Variants in PXMP2 observed in about 807,000 individuals in gnomAD.
The protein encoded by PXMP2 is 22 kDa peroxisomal membrane protein.
Under a neutral mutation model 20.2 loss-of-function variants are expected in PXMP2, and 13 were observed. The ratio of observed to expected loss-of-function variants is 0.64; its 90% confidence interval spans 0.42 to 1.02. The LOEUF (loss-of-function observed/expected upper bound fraction) is 1.02, where lower values mean the gene tolerates loss of function less well. Ranked by LOEUF, PXMP2 falls within the 50% of genes least tolerant of loss-of-function variation. The pLI, the probability that PXMP2 is intolerant of heterozygous loss-of-function variation, is 0.00. For missense variants in PXMP2, 284 were observed against 251.8 expected (o/e 1.13, Z -0.87); for synonymous variants, 113 against 111.2 (o/e 1.02, Z -0.10).
chr12:132,699,165 T>C (rs979816718), intron 3 of PXMP2, among the ~76,000 whole-genome samples: 1 of 152,124 alleles, frequency 6.6e-6, no homozygotes, highest in Admixed American at 6.6e-5. Context: ...CCACCACTTA[T>C]GAGTGAGAAC....
At chr12:132,694,315 T>G (rs1565991351) in intron 2 of PXMP2, among the ~76,000 whole-genome samples, 3 of 97,400 alleles carry the variant, frequency 3.1e-5, no homozygotes, top group African/African-American at 3.6e-5. Flanking sequence ...GTTAGTGAGC[T>G]CCCTTAGTCA....
chr12:132,701,887 C>T (rs1465073264), intron 4 of PXMP2, among the ~76,000 whole-genome samples: 3 of 152,090 alleles, frequency 2.0e-5, no homozygotes, highest in Non-Finnish European at 4.4e-5. Context: ...GCCAGGAGTT[C>T]GAGACCAGCC....
In PXMP2 at chr12:132,690,255, C is replaced by T; in HGVS notation, c.123-8C>T. On this transcript the variant is annotated splice_polypyrimidine_tract_variant and splice_region_variant and intron_variant, in intron 1 of 4. Transcript: ENST00000317479. ...ACTGCTGTTTTCTGATGACCTCCCT[C>T]TCCACAGTGGCATTTTGTCAGCACT... The T allele has an allele frequency of 6.2e-7, 1 of 1,610,822 alleles. No individual in the cohort carries two copies.
chr12:132,699,668 T>C (rs1337611024), intron 3 of PXMP2, among the ~76,000 whole-genome samples: 1 of 151,920 alleles, frequency 6.6e-6, no homozygotes, highest in African/African-American at 2.4e-5. Flanking sequence ...GTGCTGAGAT[T>C]ACAGGCGTGA....
chr12:132,691,480 G>T (rs546585632), intron 2 of PXMP2, among the ~76,000 whole-genome samples: 4 of 152,120 alleles, frequency 2.6e-5, no homozygotes, highest in African/African-American at 9.7e-5. Context: ...TTAATCCACC[G>T]TGAGCTCTCG....
In PXMP2 at chr12:132,694,388, CAGTT is replaced by C. The variant is rs1329038384; in HGVS notation, c.237-1488_237-1485del. ...CTTGCCAGTTAGTGAGCGCCCTTGC[CAGTT>C]AGTTAGTGAGCGCCCTTGCCAGTTA... On this transcript the variant is annotated intron_variant, in intron 2 of 4. Transcript: ENST00000317479. 2.5e-4 allele frequency among the ~76,000 whole-genome samples: 23 copies of C among 91,270 alleles called. 3 individuals carry two copies. Among genetic ancestry groups the C allele is most frequent in the Non-Finnish European group, 4.3e-4 (18 of 41,568 alleles). The allele number at this position is 91,270 out of a possible 152,430, so 59.9% of individuals were successfully genotyped here.
chr12:132,699,234 G>C (rs2043425718), intron 3 of PXMP2, among the ~76,000 whole-genome samples: 1 of 152,118 alleles, frequency 6.6e-6, no homozygotes, highest in South Asian at 2.1e-4. Flanking sequence ...CTGGGCAACA[G>C]AGTGAGACCC....
chr12:132,695,750 TACAG>T, intron 2 of PXMP2, 130 bp from the exon 3 acceptor site: 4 of 927,104 alleles, frequency 4.3e-6, no homozygotes, highest in African/African-American at 3.3e-5. Flanking sequence ...GACTTATCTG[TACAG>T]ACCTGTGTGG....
intron 2 of PXMP2, among the ~76,000 whole-genome samples, chr12:132,690,655 C>A (rs1347740059): frequency 6.6e-6 from 1 of 152,092 alleles, no homozygotes; most frequent in East Asian, 1.9e-4. Context: ...AAGTGATTCT[C>A]CTGCCTCAGC....
chr12:132,698,459 G>A (rs1040868571), intron 3 of PXMP2, among the ~76,000 whole-genome samples: 3 of 152,024 alleles, frequency 2.0e-5, no homozygotes, highest in African/African-American at 7.2e-5. Context: ...GCTTTCCTCC[G>A]GTATTCTTAT....
At chr12:132,701,116 ATG>A (rs1310353351) in intron 3 of PXMP2, 132 bp from the exon 4 acceptor site, 3 of 1,179,652 alleles carry the variant, frequency 2.5e-6, no homozygotes, top group Non-Finnish European at 3.6e-6. Flanking sequence ...CTGAGTACAC[ATG>A]TGTGCTGTCT....
At chr12:132,699,058 G>A (rs1370824261) in intron 3 of PXMP2, among the ~76,000 whole-genome samples, 2 of 152,184 alleles carry the variant, frequency 1.3e-5, no homozygotes, top group Non-Finnish European at 2.9e-5. Context: ...CACCCAAGTA[G>A]TCAGTGGTGA....
intron 3 of PXMP2, among the ~76,000 whole-genome samples, chr12:132,699,613 C>T (rs2043427760): frequency 6.7e-6 from 1 of 149,980 alleles, no homozygotes; most frequent in Admixed American, 6.7e-5. Flanking sequence ...TCACTGCAAC[C>T]TCCGCCCCCC....
In PXMP2 at chr12:132,696,974, CAAAAAAA is replaced by C. The variant is rs111924440; in HGVS notation, c.399+932_399+938del. Reference sequence around the variant, plus strand: ...TGGGCAACAGAGCAAGACTCTGCCTCAAAAAAAAAAGAAAAAAGAAAAAAGAAACAGG... The same window carrying C: ...TGGGCAACAGAGCAAGACTCTGCCTCAAAGAAAAAAGAAAAAAGAAACAGG... On this transcript the variant is annotated intron_variant, in intron 3 of 4. Transcript: ENST00000317479. This position sits in a 1 kb window ranked among gnomAD's most constrained non-coding sequence, Gnocchi z 4.4. Among the ~76,000 whole-genome samples the C allele has an allele frequency of 4.3e-5, 6 of 139,650 alleles. No individual in the cohort carries two copies. In the South Asian group the frequency reaches 1.1e-3, roughly 27 times the overall value. The allele number at this position is 139,650 out of a possible 152,430, so 91.6% of individuals were successfully genotyped here. A position where few individuals can be genotyped will look rare whatever the true frequency, so the allele number is the denominator to read the frequency against.
intron 4 of PXMP2, among the ~76,000 whole-genome samples, chr12:132,704,387 G>A (rs112122282): frequency 5.9e-5 from 9 of 152,282 alleles, no homozygotes; most frequent in East Asian, 1.9e-4. Context: ...TTCCTGGGCC[G>A]CTGTAGCCTG....
chr12:132,699,019 G>T (rs1294139075), intron 3 of PXMP2, among the ~76,000 whole-genome samples: 1 of 152,184 alleles, frequency 6.6e-6, no homozygotes, highest in Non-Finnish European at 1.5e-5. Flanking sequence ...TGACTGTGCT[G>T]TGGTGAAGTC....
intron 2 of PXMP2, among the ~76,000 whole-genome samples, chr12:132,694,470 T>A (rs76482000): frequency 2.8e-5 from 2 of 70,324 alleles, no homozygotes; most frequent in Non-Finnish European, 7.2e-5. Flanking sequence ...GTTAGTGAGC[T>A]CCCTTAGCCA....
rs544259136 is a variant in PXMP2, at chr12:132,704,841, T to G, written c.*154T>G. On this transcript the variant is annotated 3_prime_UTR_variant, in exon 5 of 5. Transcript: ENST00000317479. ...TGATGGATAGAGAAACAGAAATCTC[T>G]GAATGTCAGAACCCTGTCTTTTAAA... 1.8e-4 allele frequency: 140 copies of G among 763,666 alleles called. No homozygotes were observed. Among genetic ancestry groups the G allele is most frequent in the African/African-American group, 1.7e-3 (100 of 57,948 alleles). The allele number at this position is 763,666 out of a possible 1,614,324, so 47.3% of individuals were successfully genotyped here. A position where few individuals can be genotyped will look rare whatever the true frequency, so the allele number is the denominator to read the frequency against.
chr12:132,689,851 G>C (rs906992669), intron 1 of PXMP2, among the ~76,000 whole-genome samples: 2 of 152,080 alleles, frequency 1.3e-5, no homozygotes, highest in Admixed American at 6.5e-5. Flanking sequence ...GATCCTATTC[G>C]GATTTCTCCA....
Sources: gnomAD v4.1 joint callset for allele counts (sites outside exome capture counted in the v4.1 genomes callset) on GRCh38, gnomAD v4.1.1 for gene constraint, Gnocchi (gnomAD v3.1) non-coding constraint, MANE v1.5 for transcripts, NCBI Gene and HGNC (gene_info 2026-07-23, HGNC 2026-07-21) for gene names.